Variants in WFS1 observed in about 807,000 individuals in gnomAD.
WFS1 encodes the protein wolframin.
WFS1 carries 90 observed loss-of-function variants against 68.5 expected under a neutral mutation model. That is an observed-to-expected ratio of 1.31 (90% CI 1.11 to 1.56). The LOEUF is 1.56. WFS1 is among the 40% of genes most tolerant of loss of function. The pLI, the probability that WFS1 is intolerant of heterozygous loss-of-function variation, is 0.00. For synonymous variants in WFS1, 860 were observed against 540.7 expected, an observed-to-expected ratio of 1.59 and a Z score of -8.19; for missense variants, 1,767 against 1,232.6, an observed-to-expected ratio of 1.43 and a Z score of -6.49.
intron 1 of WFS1, among the ~76,000 whole-genome samples, chr4:6,275,439 G>A (rs367615155): frequency 3.0e-4 from 46 of 152,318 alleles, no homozygotes; most frequent in African/African-American, 1.1e-3. Flanking sequence ...GCAGTTAAAT[G>A]GCTGCTTTTG....
intron 7 of WFS1, among the ~76,000 whole-genome samples, chr4:6,300,424 G>A (rs902261630): frequency 7.9e-5 from 12 of 152,060 alleles, no homozygotes; most frequent in East Asian, 1.9e-4. Context: ...AGCCAGGCAC[G>A]GGGCAGAGGG....
intron 1 of WFS1, among the ~76,000 whole-genome samples, chr4:6,272,028 C>T (rs537743989): frequency 6.6e-6 from 1 of 152,334 alleles, no homozygotes; most frequent in East Asian, 1.9e-4. Context: ...CCAGCCACCT[C>T]CCAGCTTGCC....
intron 7 of WFS1, among the ~76,000 whole-genome samples, chr4:6,299,937 CGT>C (rs1560416890): frequency 3.4e-5 from 3 of 88,272 alleles, no homozygotes; most frequent in Middle Eastern, 9.6e-3. Context: ...TGTGTGAATG[CGT>C]GTGTGTAGGG....
Position 6,295,063 on chromosome 4 carries a change from T to C in WFS1, c.735T>C (p.Asp245=), listed in dbSNP as rs754741776. 6.2e-6 allele frequency: 10 copies of C among 1,613,444 alleles called. No homozygotes were observed. Among genetic ancestry groups the C allele is most frequent in the Middle Eastern group, 1.6e-4 (1 of 6,082 alleles). ...SSESKNYIAL[D]DFVEITKKYA... ...CAGCCAAGAACTACATCGCGCTGGA[T>C]GACTTTGTGGAGATCACTAAGAAGT... Residue 245 remains aspartate, a synonymous_variant, in exon 7 of 8, where the codon GAT becomes GAC. Transcript: ENST00000226760.
intron 7 of WFS1, among the ~76,000 whole-genome samples, chr4:6,297,451 C>G (rs1380259618): frequency 6.6e-6 from 1 of 152,206 alleles, no homozygotes; most frequent in Non-Finnish European, 1.5e-5. Flanking sequence ...CCTGGAGGTG[C>G]AAGCTGTCAT....
intron 7 of WFS1, among the ~76,000 whole-genome samples, chr4:6,296,952 A>T (rs532749830): frequency 2.0e-5 from 3 of 152,266 alleles, no homozygotes; most frequent in Non-Finnish European, 4.4e-5. Flanking sequence ...AGCCTCCCAA[A>T]TAGCTGGACT....
intron 2 of WFS1, among the ~76,000 whole-genome samples, chr4:6,279,786 C>A (rs1399171524): frequency 6.6e-6 from 1 of 152,212 alleles, no homozygotes; most frequent in East Asian, 1.9e-4. Flanking sequence ...CTGGAGGAGG[C>A]ATCGTCGGAG....
intron 1 of WFS1, among the ~76,000 whole-genome samples, chr4:6,275,910 C>T (rs1729980396): frequency 1.3e-5 from 2 of 152,184 alleles, no homozygotes; most frequent in African/African-American, 2.4e-5. Flanking sequence ...CCTCGTGCTG[C>T]CCATGGTGTC....
intron 7 of WFS1, among the ~76,000 whole-genome samples, chr4:6,298,447 G>C (rs1730706667): frequency 6.6e-6 from 1 of 151,332 alleles, no homozygotes. Flanking sequence ...TGACCCCAGA[G>C]AGAGCTAGGG....
At chr4:6,288,738 G>T (rs1467561924) in intron 3 of WFS1, 3 of 560,910 alleles carry the variant, frequency 5.3e-6, no homozygotes, top group Non-Finnish European at 9.8e-6. Flanking sequence ...ACCAGTACCA[G>T]TCGGAGCCCG....
intron 7 of WFS1, among the ~76,000 whole-genome samples, 197 bp downstream of exon 7, chr4:6,295,386 C>T (rs1001199191): frequency 1.3e-5 from 2 of 152,118 alleles, no homozygotes; most frequent in Non-Finnish European, 2.9e-5. Flanking sequence ...CCTTTCTTTT[C>T]TGCGCCGTCA....
rs1315205050 is a variant in WFS1 at position 6,301,340 on chromosome 4, C to T, written c.1545C>T (p.Phe515=). ...CLLYVYLLYL[F]FRMAQLRNFK... ...TCTATGTCTACCTGCTCTATCTCTT[C>T]TTCCGCATGGCACAGCTGAGGAATT... Residue 515 remains phenylalanine, a synonymous_variant, in exon 8 of 8, where the codon TTC becomes TTT. Coordinates refer to ENST00000226760, the MANE Select transcript of WFS1 (RefSeq NM_006005.3). 4.3e-6 allele frequency: 7 copies of T among 1,612,096 alleles called. No individual in the cohort carries two copies. Among genetic ancestry groups the T allele is most frequent in the South Asian group, 1.1e-5 (1 of 91,092 alleles).
At chr4:6,288,310 G>T (rs4342257) in intron 3 of WFS1, among the ~76,000 whole-genome samples, 18 of 151,980 alleles carry the variant, frequency 1.2e-4, no homozygotes, top group East Asian at 3.9e-4. Context: ...ATTTGGAGGC[G>T]GGGGGAGCAT....
chr4:6,295,165 T>C lies in WFS1; in HGVS notation c.837T>C (p.Pro279=), dbSNP rs762770133. The change falls in exon 7 of 8, where the codon CCT becomes CCC. Residue 279 remains proline, a synonymous_variant. Coordinates refer to ENST00000226760, the MANE Select transcript of WFS1 (RefSeq NM_006005.3). ...EDDDELAGKS[P]EDLPLRLKVV... ...ATGACGAGCTGGCGGGGAAGAGCCC[T>C]GAGGACCTGCCACTGCGTCTGAAGG... 2 of 1,612,048 alleles carry C rather than the reference T, an allele frequency of 1.2e-6. No homozygotes were observed. The highest frequency in any genetic ancestry group is 1.7e-6 in the Non-Finnish European group (2 of 1,180,010).
In WFS1 at chr4:6,301,899, G is replaced by T; in HGVS notation, c.2104G>T (p.Gly702Cys). Reference protein sequence around the residue: ...HLEGHRVTWTGRFKYVRVTDI... With the variant: ...HLEGHRVTWTCRFKYVRVTDI... ...GGAGGGCCACAGGGTCACGTGGACC[G>T]GCCGCTTCAAGTACGTCCGCGTGAC... is the stretch of plus-strand genomic sequence containing the variant. Residue 702 changes from glycine to cysteine, a missense_variant, in exon 8 of 8, where the codon GGC becomes TGC. By Grantham distance (159) the Gly-to-Cys change is radical. Coordinates refer to ENST00000226760, the MANE Select transcript of WFS1 (RefSeq NM_006005.3). 1 of 1,612,770 alleles carries T rather than the reference G, an allele frequency of 6.2e-7. No individual in the cohort carries two copies. Among genetic ancestry groups the T allele is most frequent in the Non-Finnish European group, 8.5e-7 (1 of 1,179,812 alleles).
At chr4:6,273,131 C>T (rs1445426225) in intron 1 of WFS1, among the ~76,000 whole-genome samples, 1 of 152,230 alleles carries the variant, frequency 6.6e-6, no homozygotes, top group East Asian at 1.9e-4. Flanking sequence ...GGTTGCCCCC[C>T]CAGAGAGAAC....
At chr4:6,281,074 G>C (rs1189071691) in intron 2 of WFS1, among the ~76,000 whole-genome samples, 3 of 152,162 alleles carry the variant, frequency 2.0e-5, no homozygotes, top group African/African-American at 7.2e-5. Flanking sequence ...TGCTGAATCT[G>C]CCAGGCCTCC....
intron 7 of WFS1, among the ~76,000 whole-genome samples, chr4:6,299,390 G>A (rs1012777273): frequency 1.3e-5 from 2 of 152,148 alleles, no homozygotes; most frequent in Non-Finnish European, 2.9e-5. Context: ...CTTTGGCCTT[G>A]ACTATGGGGA....
At position 6,301,933 on chromosome 4, in the gene WFS1, A is replaced by G. The variant is rs143280847; in HGVS notation, c.2138A>G (p.Asp713Gly). 58 of 1,612,902 alleles carry G rather than the reference A, an allele frequency of 3.6e-5. No homozygotes were observed. Among genetic ancestry groups the G allele is most frequent in the Admixed American group, 5.0e-5 (3 of 60,016 alleles). ...RFKYVRVTDIDNSAESAINML... is the reference protein window; with the variant it reads ...RFKYVRVTDIGNSAESAINML... ...AAGTACGTCCGCGTGACTGACATCG[A>G]CAACAGCGCCGAGTCTGCCATCAAC... The change falls in exon 8 of 8, where the codon GAC (aspartate) becomes GGC (glycine). Residue 713 changes from aspartate to glycine, a missense_variant. Coordinates refer to ENST00000226760, the MANE Select transcript of WFS1 (RefSeq NM_006005.3).
Sources: allele counts gnomAD v4.1 joint callset (sites outside exome capture counted in the v4.1 genomes callset), GRCh38; gene constraint gnomAD v4.1.1; transcripts MANE v1.5; gene names NCBI Gene and HGNC (gene_info 2026-07-23, HGNC 2026-07-21).